LRMDA: variants seen among roughly 807,000 people sequenced by gnomAD.
LRMDA encodes leucine-rich melanocyte differentiation-associated protein.
Under a neutral mutation model 29.8 loss-of-function variants are expected in LRMDA, and 18 were observed. That is an observed-to-expected ratio of 0.60 (90% CI 0.42 to 0.90). The LOEUF is 0.90. Ranked by LOEUF, LRMDA falls within the 40% of genes least tolerant of loss-of-function variation. The pLI is 0.00. For missense variants in LRMDA, 273 were observed against 273.9 expected (o/e 1.00, Z 0.02); for synonymous variants, 125 against 109.4 (o/e 1.14, Z -0.89).
At chr10:75,881,782 G>A (rs1845299062) in intron 2 of LRMDA, among the ~76,000 whole-genome samples, 1 of 152,200 alleles carries the variant, frequency 6.6e-6, no homozygotes, top group African/African-American at 2.4e-5. Flanking sequence ...CCTGTGGAGT[G>A]TACTTTCATT....
chr10:76,265,787 G>A (rs1043054935), intron 5 of LRMDA, among the ~76,000 whole-genome samples: 3 of 152,124 alleles, frequency 2.0e-5, no homozygotes, highest in Admixed American at 6.5e-5. Context: ...GACCTTATTA[G>A]TTCATGTCTA....
rs144869297 is a variant in LRMDA at position 75,867,187 on chromosome 10, G to A, written c.132-168821G>A. On this transcript the variant is annotated intron_variant, in intron 2 of 6. Coordinates refer to ENST00000611255, the MANE Select transcript of LRMDA (RefSeq NM_001305581.2). ...CAGATTTTTATTTTTTTTTTGAGAC[G>A]GAGTCTCACTCTGTTGCCAGACTGG... Among the ~76,000 whole-genome samples, 1,220 of 151,332 alleles carry A rather than the reference G, an allele frequency of 8.1e-3. 20 individuals are homozygous for A. The highest frequency in any genetic ancestry group is 0.028 in the African/African-American group (1,169 of 41,234).
intron 6 of LRMDA, among the ~76,000 whole-genome samples, chr10:76,543,298 G>T (rs1409108283): frequency 6.8e-6 from 1 of 148,000 alleles, no homozygotes; most frequent in Non-Finnish European, 1.5e-5. Context: ...GGAGAATTTA[G>T]TTGTTATTGG....
chr10:75,608,129 T>TATACAC (rs11271217), intron 2 of LRMDA, among the ~76,000 whole-genome samples: 10 of 89,570 alleles, frequency 1.1e-4, no homozygotes, highest in East Asian at 6.5e-4. Flanking sequence ...TATATATATA[T>TATACAC]ACACACACAT....
At chr10:76,371,830 T>C (rs1841458313) in intron 6 of LRMDA, among the ~76,000 whole-genome samples, 1 of 152,160 alleles carries the variant, frequency 6.6e-6, no homozygotes, top group African/African-American at 2.4e-5. Flanking sequence ...AGACTGGCCT[T>C]TCTTCTCTGA....
At chr10:76,540,920 AATGCTTG>A (rs2132384530) in intron 6 of LRMDA, among the ~76,000 whole-genome samples, 1 of 152,312 alleles carries the variant, frequency 6.6e-6, no homozygotes, top group African/African-American at 2.4e-5. Flanking sequence ...ACTTGTTTTA[AATGCTTG>A]ACAATACCTG....
chr10:76,414,915 G>GC (rs1406500688), intron 6 of LRMDA, among the ~76,000 whole-genome samples: 1 of 152,258 alleles, frequency 6.6e-6, no homozygotes, highest in Non-Finnish European at 1.5e-5. Context: ...TCAGGCAGAG[G>GC]CATCTGCAGT....
chr10:75,888,233 G>A (rs1845424028), intron 2 of LRMDA, among the ~76,000 whole-genome samples: 1 of 152,138 alleles, frequency 6.6e-6, no homozygotes. Context: ...AAAAGAGAGA[G>A]TTCTGAGAGC....
Position 76,177,189 on chromosome 10 carries a change from C to T in LRMDA, c.516+118406C>T, listed in dbSNP as rs1449704038. Among the ~76,000 whole-genome samples, 3 of 152,336 alleles carry T rather than the reference C, an allele frequency of 2.0e-5. No homozygotes were observed. In the South Asian group the frequency reaches 6.2e-4, roughly 32 times the overall value. On this transcript the variant is annotated intron_variant, in intron 5 of 6. Coordinates refer to ENST00000611255, the MANE Select transcript of LRMDA (RefSeq NM_001305581.2). Reference sequence around the variant, plus strand: ...ACGCTTTTTAATCGGAGAAGAATTTCTCTACCTGCCAAGTACTTTTCCTTG... The same window carrying T: ...ACGCTTTTTAATCGGAGAAGAATTTTTCTACCTGCCAAGTACTTTTCCTTG...
At chr10:76,136,242 A>G (rs1259591004) in intron 5 of LRMDA, among the ~76,000 whole-genome samples, 1 of 152,202 alleles carries the variant, frequency 6.6e-6, no homozygotes, top group African/African-American at 2.4e-5. Flanking sequence ...CTTTCTTTCA[A>G]AAATAATATG....
At chr10:75,632,782 G>GTTTTTTTTTTTTTTT (rs386371855) in intron 2 of LRMDA, among the ~76,000 whole-genome samples, 2 of 43,256 alleles carry the variant, frequency 4.6e-5, no homozygotes, top group Non-Finnish European at 9.2e-5. Context: ...GTTTAGTTTA[G>GTTTTTTTTTTTTTTT]TTTTTTTTTT....
At chr10:76,046,341 G>A (rs1394024836) in intron 3 of LRMDA, among the ~76,000 whole-genome samples, 1 of 152,138 alleles carries the variant, frequency 6.6e-6, no homozygotes, top group East Asian at 1.9e-4. Flanking sequence ...ATTGGACAGT[G>A]GGTCCCACTG....
chr10:76,416,385 A>G (rs1277374564), intron 6 of LRMDA, among the ~76,000 whole-genome samples: 1 of 152,234 alleles, frequency 6.6e-6, no homozygotes, highest in African/African-American at 2.4e-5. Flanking sequence ...CCTCAGATCT[A>G]TCACTTATAA....
intron 2 of LRMDA, among the ~76,000 whole-genome samples, chr10:75,721,711 C>T (rs992479579): frequency 2.6e-5 from 4 of 152,176 alleles, no homozygotes; most frequent in Non-Finnish European, 5.9e-5. Flanking sequence ...TTCCAAAGTA[C>T]ACTTTCTTTT....
chr10:75,473,211 G>A (rs1315908831), intron 2 of LRMDA, among the ~76,000 whole-genome samples: 1 of 152,208 alleles, frequency 6.6e-6, no homozygotes, highest in East Asian at 1.9e-4. Context: ...TCAAAGTGGG[G>A]CCCAATCAAA....
chr10:76,348,023 G>A (rs369047754), intron 6 of LRMDA, among the ~76,000 whole-genome samples: 41 of 152,274 alleles, frequency 2.7e-4, no homozygotes, highest in African/African-American at 9.6e-4. Flanking sequence ...GTACATGCAT[G>A]GGAGTGGTGC....
At chr10:76,124,147 C>T (rs1849837935) in intron 5 of LRMDA, among the ~76,000 whole-genome samples, 1 of 152,220 alleles carries the variant, frequency 6.6e-6, no homozygotes, top group Admixed American at 6.5e-5. Flanking sequence ...TCGCTTCTGC[C>T]ATCGGTATCA....
At chr10:76,304,257 C>G (rs1840521260) in intron 5 of LRMDA, among the ~76,000 whole-genome samples, 1 of 152,174 alleles carries the variant, frequency 6.6e-6, no homozygotes, top group African/African-American at 2.4e-5. Flanking sequence ...CTGCCAGATC[C>G]CAAATCCCAG....
chr10:76,366,671 C>T (rs574195981), intron 6 of LRMDA, among the ~76,000 whole-genome samples: 1 of 152,140 alleles, frequency 6.6e-6, no homozygotes, highest in African/African-American at 2.4e-5. Context: ...TTAGGGTTTT[C>T]AAGGTAAATG....
Sources: allele counts gnomAD v4.1 joint callset (sites outside exome capture counted in the v4.1 genomes callset), GRCh38; gene constraint gnomAD v4.1.1; transcripts MANE v1.5; gene names NCBI Gene and HGNC (gene_info 2026-07-23, HGNC 2026-07-21).